The following MYL10 variants were observed in gnomAD, a reference collection of about 807,000 sequenced individuals.
MYL10 encodes the protein myosin regulatory light chain 10.
Under a neutral mutation model 21.9 loss-of-function variants are expected in MYL10, and 18 were observed. The observed-to-expected ratio is 0.82, with a 90% CI of 0.57 to 1.22. The LOEUF (loss-of-function observed/expected upper bound fraction) is 1.22. MYL10 is among the 50% of genes most tolerant of loss of function. MYL10 has a pLI of 0.00. For missense variants in MYL10, 225 were observed against 230.4 expected (o/e 0.98, Z 0.15); for synonymous variants, 88 against 82.8 (o/e 1.06, Z -0.34).
At chr7:101,624,597 G>A (rs903607035) in intron 1 of MYL10, among the ~76,000 whole-genome samples, 8 of 152,062 alleles carry the variant, frequency 5.3e-5, no homozygotes, top group African/African-American at 1.4e-4. Context: ...TCTCTACCCC[G>A]GCATCCTCCA....
intron 1 of MYL10, among the ~76,000 whole-genome samples, chr7:101,628,486 G>A (rs1457396599): frequency 6.6e-6 from 1 of 152,096 alleles, no homozygotes; most frequent in Non-Finnish European, 1.5e-5. Context: ...AACTGGAGGT[G>A]ACTCTGATGA....
intron 1 of MYL10, among the ~76,000 whole-genome samples, chr7:101,628,405 A>G (rs571987491): frequency 6.6e-6 from 1 of 152,294 alleles, no homozygotes; most frequent in Non-Finnish European, 1.5e-5. Context: ...GCAGTGATCT[A>G]TGATTGTGCC....
chr7:101,623,833 G>C, intron 3 of MYL10, 87 bp downstream of exon 3: 1 of 220,600 alleles, frequency 4.5e-6, no homozygotes, highest in South Asian at 5.8e-5. Context: ...TTCCAGACCA[G>C]CCTGGCCAAC....
At chr7:101,623,462 A>C (rs1796704506) in intron 3 of MYL10, among the ~76,000 whole-genome samples, 1 of 152,224 alleles carries the variant, frequency 6.6e-6, no homozygotes, top group Admixed American at 6.5e-5. Flanking sequence ...TGGGAGGCAG[A>C]GGCAGGAGGA....
At chr7:101,622,520 C>T (rs1165024635) in intron 4 of MYL10, among the ~76,000 whole-genome samples, 1 of 152,104 alleles carries the variant, frequency 6.6e-6, no homozygotes, top group South Asian at 2.1e-4. Flanking sequence ...TCAGTGGATG[C>T]CTGGATGCTG....
chr7:101,613,377 G>T lies in MYL10; in HGVS notation c.*98C>A. Reference sequence around the variant, plus strand: ...TGCTTTGTCCCCAACCGTAGGACAAGGGAAGCCTTTTTCCTGCAGCCTCTG... The same window carrying T: ...TGCTTTGTCCCCAACCGTAGGACAATGGAAGCCTTTTTCCTGCAGCCTCTG... On this transcript the variant is annotated 3_prime_UTR_variant, in exon 8 of 8. Transcript: ENST00000223167. 2 of 971,422 alleles carry T rather than the reference G, an allele frequency of 2.1e-6. No individual in the cohort carries two copies. Among genetic ancestry groups the T allele is most frequent in the East Asian group, 2.4e-5 (1 of 41,568 alleles). The allele number at this position is 971,422 out of a possible 1,614,324, so 60.2% of individuals were successfully genotyped here.
chr7:101,620,048 G>T (rs986320066), intron 5 of MYL10, among the ~76,000 whole-genome samples: 3 of 151,942 alleles, frequency 2.0e-5, no homozygotes, highest in Non-Finnish European at 4.4e-5. Context: ...GAGTCCAGGC[G>T]CGAGGGCTCA....
intron 3 of MYL10, among the ~76,000 whole-genome samples, chr7:101,623,501 C>A (rs1796705222): frequency 6.6e-6 from 1 of 151,378 alleles, no homozygotes; most frequent in Admixed American, 6.6e-5. Flanking sequence ...TTGAGACAAG[C>A]CTGGGCGAAA....
At chr7:101,621,396 A>T (rs745554619) in intron 5 of MYL10, among the ~76,000 whole-genome samples, 55 of 152,016 alleles carry the variant, frequency 3.6e-4, no homozygotes, top group Admixed American at 1.2e-3. Context: ...AGACAAGGGG[A>T]GTAACTTGCC....
rs760782928 is a variant in MYL10 at position 101,623,039 on chromosome 7, A to G, written c.307T>C (p.Phe103Leu). The change falls in exon 4 of 8, where the codon TTC (phenylalanine) becomes CTC (leucine). Residue 103 changes from phenylalanine (F) to leucine (L), a missense_variant. Physicochemically the swap from Phe to Leu is conservative, Grantham distance 22. Transcript: ENST00000223167. ...FTIMDQNRDG[F>L]IDKEDLRDTF... ...TCCCTCAAGTCCTCTTTGTCGATGA[A>G]GCCATCACGGTTCTGGTCCATGATG... 1.2e-6 allele frequency: 2 copies of G among 1,614,074 alleles called. No homozygotes were observed. Among genetic ancestry groups the G allele is most frequent in the Non-Finnish European group, 1.7e-6 (2 of 1,180,012 alleles).
rs1197798814 is a variant in MYL10, at chr7:101,613,350, C to A, written c.*125G>T. 6.9e-6 allele frequency: 5 copies of A among 729,128 alleles called. No individual in the cohort carries two copies. The highest frequency in any genetic ancestry group is 1.2e-5 in the Non-Finnish European group (5 of 427,116). 45.2% of individuals were successfully genotyped at this position (729,128 alleles called of 1,614,324 possible). ...TCAGACCTCATTAGCATTATTTATTCTTGCTTTGTCCCCAACCGTAGGACA... is the reference window on the plus strand; with the variant it reads ...TCAGACCTCATTAGCATTATTTATTATTGCTTTGTCCCCAACCGTAGGACA... On this transcript the variant is annotated 3_prime_UTR_variant, in exon 8 of 8. Coordinates refer to ENST00000223167, the MANE Select transcript of MYL10 (RefSeq NM_138403.5).
intron 5 of MYL10, among the ~76,000 whole-genome samples, chr7:101,621,678 T>G (rs1056136278): frequency 2.6e-5 from 4 of 151,982 alleles, no homozygotes; most frequent in Non-Finnish European, 4.4e-5. Flanking sequence ...AACCTTCACC[T>G]CCCAGGCTCA....
At chr7:101,616,838 G>A (rs140885777) in intron 5 of MYL10, among the ~76,000 whole-genome samples, 41 of 152,328 alleles carry the variant, frequency 2.7e-4, no homozygotes, top group African/African-American at 8.7e-4. Context: ...AGATTGTCCC[G>A]GCCAGAAGTG....
At position 101,613,382 on chromosome 7, in the gene MYL10, G is replaced by T; in HGVS notation, c.*93C>A. 1 of 1,024,164 alleles carries T rather than the reference G, an allele frequency of 9.8e-7. No individual in the cohort carries two copies. The highest frequency in any genetic ancestry group is 1.5e-6 in the Non-Finnish European group (1 of 660,264). The allele number at this position is 1,024,164 out of a possible 1,614,324, so 63.4% of individuals were successfully genotyped here. ...TGTCCCCAACCGTAGGACAAGGGAA[G>T]CCTTTTTCCTGCAGCCTCTGGCTGC... On this transcript the variant is annotated 3_prime_UTR_variant, in exon 8 of 8. Transcript: ENST00000223167.
rs201884702 is a variant in MYL10, at chr7:101,616,226, G to A, written c.527C>T (p.Ala176Val). ...GGAGTCAGGGGAAACTTACACATCGGCCTTGACGAAACCTTTCCCTTCAGT... is the reference window on the plus strand; with the variant it reads ...GGAGTCAGGGGAAACTTACACATCGACCTTGACGAAACCTTTCCCTTCAGT... ...FDTEGKGFVKADVIKEKLMTQ... is the reference protein window; with the variant it reads ...FDTEGKGFVKVDVIKEKLMTQ... Residue 176 changes from alanine (A) to valine (V), a missense_variant, in exon 6 of 8, where the codon GCC (alanine) becomes GTC (valine). Ala to Val is a moderately conservative substitution (Grantham distance 64). Transcript: ENST00000223167. The A allele has an allele frequency of 1.2e-6, 2 of 1,614,008 alleles. No individual in the cohort carries two copies. The highest frequency in any genetic ancestry group is 2.2e-5 in the East Asian group (1 of 44,862).
At chr7:101,624,554 CA>C (rs1222746362) in intron 1 of MYL10, among the ~76,000 whole-genome samples, 12 of 152,238 alleles carry the variant, frequency 7.9e-5, no homozygotes, top group Non-Finnish European at 1.5e-4. Context: ...TGCTGCAGAA[CA>C]GAGGCGGGCA....
chr7:101,624,228 C>A lies in MYL10; in HGVS notation c.115G>T (p.Ala39Ser). Reference sequence around the variant, plus strand: ...AACATGGAGAAGACGTTGGAGCTGGCGGTGCCTTCTGCTCTTTTCCGAGCT... The same window carrying A: ...AACATGGAGAAGACGTTGGAGCTGGAGGTGCCTTCTGCTCTTTTCCGAGCT... ...RRARKRAEGTASSNVFSMFDQ... is the reference protein window; with the variant it reads ...RRARKRAEGTSSSNVFSMFDQ... The change falls in exon 2 of 8, where the codon GCC becomes TCC. Residue 39 changes from alanine to serine, a missense_variant. Ala to Ser is a moderately conservative substitution (Grantham distance 99). Transcript: ENST00000223167. 1 of 1,613,658 alleles carries A rather than the reference C, an allele frequency of 6.2e-7. No individual in the cohort carries two copies. Among genetic ancestry groups the A allele is most frequent in the Non-Finnish European group, 8.5e-7 (1 of 1,179,856 alleles).
At chr7:101,621,958 C>G in intron 5 of MYL10, 138 bp downstream of exon 5, 2 of 627,820 alleles carry the variant, frequency 3.2e-6, no homozygotes, top group Non-Finnish European at 5.5e-6. Flanking sequence ...CCTGAAGGTG[C>G]GTGCACCTGG....
At chr7:101,617,252 A>G (rs921053794) in intron 5 of MYL10, among the ~76,000 whole-genome samples, 6 of 152,270 alleles carry the variant, frequency 3.9e-5, no homozygotes, top group African/African-American at 1.4e-4. Context: ...GGAGCAGCTA[A>G]GATAACATAC....
Sources: gnomAD v4.1 joint callset for allele counts (sites outside exome capture counted in the v4.1 genomes callset) on GRCh38, gnomAD v4.1.1 for gene constraint, MANE v1.5 for transcripts, NCBI Gene and HGNC (gene_info 2026-07-23, HGNC 2026-07-21) for gene names.